PRMT8: variants seen among roughly 807,000 people sequenced by gnomAD.
PRMT8 encodes the protein protein arginine N-methyltransferase 8.
Under a neutral mutation model 47.1 loss-of-function variants are expected in PRMT8, and 7 were observed. That is an observed-to-expected ratio of 0.15 (90% CI 0.08 to 0.28). The LOEUF (loss-of-function observed/expected upper bound fraction) is 0.28. PRMT8 is among the 10% of genes least tolerant of loss of function. The pLI, the probability that PRMT8 is intolerant of heterozygous loss-of-function variation, is 1.00. For missense variants in PRMT8, 237 were observed against 505.4 expected (o/e 0.47, Z 5.09); for synonymous variants, 188 against 186.5 (o/e 1.01, Z -0.07).
rs546533647 is a variant in PRMT8, at chr12:3,452,211, G to GT, written c.48+70770dup. On this transcript the variant is annotated intron_variant, in intron 1 of 9. Transcript: ENST00000452611. Reference sequence around the variant, plus strand: ...GAGGACCAGGAAAAATAACTAATGGGTACTGGGCTTAATACCTGGGTGAGG... The same window carrying GT: ...GAGGACCAGGAAAAATAACTAATGGGTTACTGGGCTTAATACCTGGGTGAGG... Among the ~76,000 whole-genome samples, 283 of 151,724 alleles carry GT rather than the reference G, an allele frequency of 1.9e-3. 1 individual carries two copies. Among genetic ancestry groups the GT allele is most frequent in the African/African-American group, 6.5e-3 (270 of 41,440 alleles).
chr12:3,593,152 A>G lies in PRMT8; in HGVS notation c.1155A>G (p.Thr385=). The G allele has an allele frequency of 6.2e-7, 1 of 1,614,128 alleles. No individual in the cohort carries two copies. The highest frequency in any genetic ancestry group is 8.5e-7 in the Non-Finnish European group (1 of 1,179,996). The change falls in exon 10 of 10, where the codon ACA becomes ACG. Residue 385 remains threonine, a synonymous_variant. Transcript: ENST00000382622. This position sits in a 1 kb window ranked among gnomAD's most constrained non-coding sequence, Gnocchi z 4.8. ...DLDFKGQLCE[T]SVSNDYKMR is the part of the protein sequence containing the mutation. ...ATTTTAAGGGACAGCTGTGTGAAAC[A>G]TCTGTATCTAATGACTACAAAATGC...
In PRMT8 at chr12:3,493,700, G is replaced by C. The variant is rs940790731; in HGVS notation, c.75+2000G>C. Reference sequence around the variant, plus strand: ...TTACTTGCTTCCCCCGCCGCTCCGCGCTCCCCCTTCTCAGCAGTTGCACAT... The same window carrying C: ...TTACTTGCTTCCCCCGCCGCTCCGCCCTCCCCCTTCTCAGCAGTTGCACAT... On this transcript the variant is annotated intron_variant, in intron 1 of 9. Coordinates refer to ENST00000382622, the MANE Select transcript of PRMT8 (RefSeq NM_019854.5). This position sits in a 1 kb window ranked among gnomAD's most constrained non-coding sequence, Gnocchi z 8.2. Among the ~76,000 whole-genome samples the C allele has an allele frequency of 2.0e-5, 3 of 152,224 alleles. No homozygotes were observed. Among genetic ancestry groups the C allele is most frequent in the Non-Finnish European group, 4.4e-5 (3 of 68,042 alleles).
rs116795993 is a variant in PRMT8, at chr12:3,545,427, A to G, written c.262-4509A>G. ...GCGAAAGGCTTCAGCTCACCTTCAA[A>G]GTATTTAAAGCCAGAATTGAACTGA... is the stretch of plus-strand genomic sequence containing the variant. On this transcript the variant is annotated intron_variant, in intron 2 of 9. Transcript: ENST00000382622. Among the ~76,000 whole-genome samples the G allele has an allele frequency of 1.4e-3, 209 of 152,376 alleles. 1 individual carries two copies. Among genetic ancestry groups the G allele is most frequent in the African/African-American group, 5.0e-3 (207 of 41,588 alleles).
At chr12:3,455,806 G>A (rs568591457) in intron 1 of PRMT8, among the ~76,000 whole-genome samples, 46 of 152,180 alleles carry the variant, frequency 3.0e-4, no homozygotes, top group African/African-American at 1.1e-3. Flanking sequence ...TTCCATTTTC[G>A]AAGTGTAAGA....
rs546478308 is a variant in PRMT8 at position 3,570,573 on chromosome 12, C to T, written c.712+1009C>T. Among the ~76,000 whole-genome samples, 1 of 152,320 alleles carries T rather than the reference C, an allele frequency of 6.6e-6. No homozygotes were observed. The highest frequency in any genetic ancestry group is 6.5e-5 in the Admixed American group (1 of 15,308). ...ACAGATTGAGTAGAAGAATAAATGC[C>T]TCCAAGAGGCTAAGACTCCATCCAC... On this transcript the variant is annotated intron_variant, in intron 6 of 9. Transcript: ENST00000382622. The surrounding 1 kb of genome is among the most constrained non-coding windows in gnomAD (Gnocchi z 5.5).
At chr12:3,418,404 G>T (rs532939270) in intron 1 of PRMT8, among the ~76,000 whole-genome samples, 1 of 152,212 alleles carries the variant, frequency 6.6e-6, no homozygotes, top group Non-Finnish European at 1.5e-5. Flanking sequence ...AAATGCTCTG[G>T]CAGGACAGTG....
At chr12:3,389,441 T>C (rs1379102426) in intron 1 of PRMT8, among the ~76,000 whole-genome samples, 1 of 152,202 alleles carries the variant, frequency 6.6e-6, no homozygotes, top group East Asian at 1.9e-4. Context: ...AGACTTGCCC[T>C]TTGGAAGGCA....
chr12:3,385,258 C>G (rs999605908), intron 1 of PRMT8, among the ~76,000 whole-genome samples: 2 of 152,102 alleles, frequency 1.3e-5, no homozygotes, highest in East Asian at 1.9e-4. Flanking sequence ...GAAATTGAGG[C>G]CTACGAAGAT....
chr12:3,486,644 A>C (rs1387862403), upstream of PRMT8, among the ~76,000 whole-genome samples: 3 of 152,188 alleles, frequency 2.0e-5, no homozygotes, highest in Non-Finnish European at 4.4e-5. Context: ...CCCAGTAGAA[A>C]AAGCTAATTC....
chr12:3,522,725 C>A (rs566569063), intron 1 of PRMT8, among the ~76,000 whole-genome samples: 1 of 149,932 alleles, frequency 6.7e-6, no homozygotes, highest in Non-Finnish European at 1.5e-5. Flanking sequence ...ACCAAACCAC[C>A]GTGCAAATAG....
chr12:3,417,905 ATCC>A (rs1864500184), intron 1 of PRMT8, among the ~76,000 whole-genome samples: 1 of 152,310 alleles, frequency 6.6e-6, no homozygotes, highest in East Asian at 1.9e-4. Flanking sequence ...CTGGTTTCAT[ATCC>A]CGGCTCTGCT....
intron 8 of PRMT8, among the ~76,000 whole-genome samples, chr12:3,590,774 G>C (rs922330141): frequency 2.6e-5 from 4 of 152,086 alleles, no homozygotes; most frequent in Non-Finnish European, 4.4e-5. Flanking sequence ...ACTCCAGTAC[G>C]AGTACATTGA....
intron 1 of PRMT8, among the ~76,000 whole-genome samples, chr12:3,496,985 G>C (rs1347408816): frequency 6.8e-6 from 1 of 147,406 alleles, no homozygotes; most frequent in Admixed American, 7.0e-5. Flanking sequence ...GGCTGTCAAA[G>C]ACAGTGAAAC....
At chr12:3,467,569 AT>A (rs1435393415) in intron 1 of PRMT8, among the ~76,000 whole-genome samples, 4 of 152,162 alleles carry the variant, frequency 2.6e-5, no homozygotes, top group Non-Finnish European at 5.9e-5. Flanking sequence ...GCTCATTCCA[AT>A]GGATGCTGGT....
At chr12:3,496,214 A>ATATATATATTTTTTTTTT in intron 1 of PRMT8, among the ~76,000 whole-genome samples, 6 of 27,768 alleles carry the variant, frequency 2.2e-4, no homozygotes, top group African/African-American at 5.3e-4. Flanking sequence ...ATATATATAT[A>ATATATATATTTTTTTTTT]TTTTTTTTTT....
chr12:3,450,881 A>C (rs1243463760), intron 1 of PRMT8, among the ~76,000 whole-genome samples: 1 of 152,254 alleles, frequency 6.6e-6, no homozygotes, highest in Non-Finnish European at 1.5e-5. Context: ...TGTAAACACT[A>C]TGATGACTAG....
intron 4 of PRMT8, among the ~76,000 whole-genome samples, chr12:3,568,503 C>T (rs1447932371): frequency 6.6e-6 from 1 of 152,186 alleles, no homozygotes; most frequent in Non-Finnish European, 1.5e-5. Context: ...ATAGTAATGG[C>T]TCAATTTATT....
chr12:3,551,186 C>G (rs1216208792), intron 3 of PRMT8: 1 of 152,010 alleles, frequency 6.6e-6, no homozygotes, highest in Non-Finnish European at 1.5e-5. Context: ...CAGCATTCCT[C>G]CTCCAAGCCT....
At chr12:3,575,714 A>G (rs1866927969) in intron 6 of PRMT8, among the ~76,000 whole-genome samples, 1 of 152,202 alleles carries the variant, frequency 6.6e-6, no homozygotes, top group Non-Finnish European at 1.5e-5. Flanking sequence ...GGACTGACTG[A>G]TCAATCAATG....
Sources: gnomAD v4.1 joint callset for allele counts (sites outside exome capture counted in the v4.1 genomes callset) on GRCh38, gnomAD v4.1.1 for gene constraint, Gnocchi (gnomAD v3.1) non-coding constraint, MANE v1.5 for transcripts, NCBI Gene and HGNC (gene_info 2026-07-23, HGNC 2026-07-21) for gene names.